The following NDUFB6 variants were observed in gnomAD, a reference collection of about 807,000 sequenced individuals.
NDUFB6 encodes NADH dehydrogenase [ubiquinone] 1 beta subcomplex subunit 6.
NDUFB6 carries 23 observed loss-of-function variants against 17.5 expected under a neutral mutation model. The observed-to-expected ratio is 1.31, with a 90% CI of 0.94 to 1.86. The LOEUF is 1.86. Among genes scored for constraint, NDUFB6 ranks in the 40% most tolerant of loss-of-function variants. NDUFB6 has a pLI of 0.00. For synonymous variants in NDUFB6, 60 were observed against 53.5 expected, an observed-to-expected ratio of 1.12 and a Z score of -0.53; for missense variants, 167 against 153.8, an observed-to-expected ratio of 1.09 and a Z score of -0.46.
chr9:32,558,143 G>A (rs1448816975), intron 3 of NDUFB6, among the ~76,000 whole-genome samples: 1 of 111,948 alleles, frequency 8.9e-6, no homozygotes, highest in Non-Finnish European at 2.0e-5. Context: ...ACGGAGTCTC[G>A]CTCTGTCACC....
At chr9:32,565,942 A>T (rs1041246374) in intron 2 of NDUFB6, among the ~76,000 whole-genome samples, 6 of 152,164 alleles carry the variant, frequency 3.9e-5, no homozygotes, top group African/African-American at 1.4e-4. Flanking sequence ...ACTACACTCC[A>T]GCCTGGGCAA....
At chr9:32,566,314 C>A in intron 2 of NDUFB6, 1 of 1,180,368 alleles carries the variant, frequency 8.5e-7, no homozygotes. Flanking sequence ...CAGTCCACTT[C>A]TCTTCCATCT....
intron 2 of NDUFB6, among the ~76,000 whole-genome samples, chr9:32,570,083 A>G (rs1459119031): frequency 6.6e-6 from 1 of 152,120 alleles, no homozygotes; most frequent in African/African-American, 2.4e-5. Flanking sequence ...ACCACATCCC[A>G]GCATTAATAC....
chr9:32,557,004 A>G (rs1375309077), intron 3 of NDUFB6, among the ~76,000 whole-genome samples: 1 of 150,314 alleles, frequency 6.7e-6, no homozygotes, highest in Non-Finnish European at 1.5e-5. Context: ...GGCGTGCACC[A>G]CCATGCCCAG....
intron 2 of NDUFB6, among the ~76,000 whole-genome samples, chr9:32,561,076 A>G (rs577046946): frequency 2.0e-5 from 3 of 152,360 alleles, no homozygotes; most frequent in East Asian, 1.9e-4. Flanking sequence ...TTTTATGAAC[A>G]TAAACTTTTT....
At chr9:32,560,600 T>A (rs1821598166) in intron 2 of NDUFB6, among the ~76,000 whole-genome samples, 1 of 152,234 alleles carries the variant, frequency 6.6e-6, no homozygotes, top group South Asian at 2.1e-4. Flanking sequence ...AAATGCATAA[T>A]TGATTTGTGA....
Position 32,570,968 on chromosome 9 carries a change from G to T in NDUFB6, c.265C>A (p.His89Asn), listed in dbSNP as rs935126719. 4.4e-6 allele frequency: 7 copies of T among 1,574,716 alleles called. No homozygotes were observed. Among genetic ancestry groups the T allele is most frequent in the East Asian group, 4.6e-5 (2 of 43,910 alleles). ...GAAAAGGACATACTTACAGAAACAT[G>T]ATACTTCATGTAATAATGAATAATC... The part of the protein sequence containing the change: ...VWIIHYYMKY[H>N]VSEKPYGIVE... Residue 89 changes from histidine to asparagine, a missense_variant, in exon 2 of 4, where the codon CAT (histidine) becomes AAT (asparagine). Transcript: ENST00000379847.
chr9:32,568,688 A>G (rs1821868994), intron 2 of NDUFB6: 1 of 161,534 alleles, frequency 6.2e-6, no homozygotes, highest in African/African-American at 2.5e-5. Flanking sequence ...ATATATGTAT[A>G]TACGTATGTA....
chr9:32,556,382 A>G (rs17290760), intron 3 of NDUFB6, among the ~76,000 whole-genome samples: 15,612 of 152,318 alleles, frequency 0.1, 1,018 homozygotes, highest in Middle Eastern at 0.28. Flanking sequence ...TTTGTATCAC[A>G]ATCTTGGAAC....
intron 3 of NDUFB6, among the ~76,000 whole-genome samples, chr9:32,557,498 T>C (rs1330424781): frequency 2.0e-5 from 3 of 150,768 alleles, no homozygotes; most frequent in Non-Finnish European, 2.9e-5. Context: ...CCTTTTTTTT[T>C]GAGATGGAGT....
At chr9:32,561,740 A>G (rs1821633214) in intron 2 of NDUFB6, among the ~76,000 whole-genome samples, 1 of 152,132 alleles carries the variant, frequency 6.6e-6, no homozygotes. Flanking sequence ...CTTTGGTTTT[A>G]TCCCCAACTT....
intron 2 of NDUFB6, among the ~76,000 whole-genome samples, chr9:32,562,147 C>T (rs1006591667): frequency 1.3e-5 from 2 of 152,206 alleles, no homozygotes; most frequent in Non-Finnish European, 2.9e-5. Flanking sequence ...TCATTACTGA[C>T]TCCATATGTT....
chr9:32,566,413 C>G, intron 2 of NDUFB6: 1 of 877,148 alleles, frequency 1.1e-6, no homozygotes, highest in Non-Finnish European at 2.0e-6. Context: ...GAAGAGGAGC[C>G]TGCTCTCCCT....
At chr9:32,566,221 C>A (rs1272955594) in intron 2 of NDUFB6, 1 of 856,770 alleles carries the variant, frequency 1.2e-6, no homozygotes, top group South Asian at 1.4e-5. Flanking sequence ...CAGGTCATAG[C>A]TGGTTTTGTG....
At position 32,573,050 on chromosome 9, in the gene NDUFB6, T is replaced by C. The variant is rs1487959624; in HGVS notation, c.11A>G (p.Tyr4Cys). The change falls in exon 1 of 4, where the codon TAC (tyrosine) becomes TGC (cysteine). Residue 4 changes from tyrosine (Y) to cysteine (C), a missense_variant. Transcript: ENST00000379847. Reference sequence around the variant, plus strand: ...CAGCCGCAGTTTCTCATCCGGAGTGTACCCCGTCATGTCGCCGCTGGTACC... The same window carrying C: ...CAGCCGCAGTTTCTCATCCGGAGTGCACCCCGTCATGTCGCCGCTGGTACC... MTGYTPDEKLRLQQ... is the reference protein window; with the variant it reads MTGCTPDEKLRLQQ... The C allele has an allele frequency of 6.4e-7, 1 of 1,570,988 alleles. No individual in the cohort carries two copies. Among genetic ancestry groups the C allele is most frequent in the Non-Finnish European group, 8.6e-7 (1 of 1,158,178 alleles).
At chr9:32,568,659 T>C (rs1247930490) in intron 2 of NDUFB6, 1 of 165,934 alleles carries the variant, frequency 6.0e-6, no homozygotes, top group Non-Finnish European at 1.4e-5. Flanking sequence ...TATATATATG[T>C]ATATATGTAC....
At chr9:32,560,203 G>A (rs1007629288) in intron 2 of NDUFB6, among the ~76,000 whole-genome samples, 1 of 152,140 alleles carries the variant, frequency 6.6e-6, no homozygotes, top group Non-Finnish European at 1.5e-5. Context: ...AAAATCAAGA[G>A]AAAAAGTAAG....
At chr9:32,564,830 T>C (rs1822129306) in intron 2 of NDUFB6, among the ~76,000 whole-genome samples, 2 of 152,254 alleles carry the variant, frequency 1.3e-5, no homozygotes, top group South Asian at 4.1e-4. Context: ...TCATAAAAGC[T>C]TGAAACTACA....
At position 32,558,757 on chromosome 9, in the gene NDUFB6, T is replaced by A. The variant is rs113239703; in HGVS notation, c.318+153A>T. 6.6e-5 allele frequency among the ~76,000 whole-genome samples: 10 copies of A among 152,066 alleles called. 1 individual carries two copies. Among genetic ancestry groups the A allele is most frequent in the African/African-American group, 2.4e-4 (10 of 41,360 alleles). On this transcript the variant is annotated intron_variant, in intron 3 of 3. Coordinates refer to ENST00000379847, the MANE Select transcript of NDUFB6 (RefSeq NM_002493.5). ...CGGTATTTCTTCCTGTTTTTTTTTG[T>A]TTTGTTTTGTTTTTTACAAGAATAC...
Sources: gnomAD v4.1 joint callset for allele counts (sites outside exome capture counted in the v4.1 genomes callset) on GRCh38, gnomAD v4.1.1 for gene constraint, MANE v1.5 for transcripts, NCBI Gene and HGNC (gene_info 2026-07-23, HGNC 2026-07-21) for gene names.